ZNF512B: variants seen among roughly 807,000 people sequenced by gnomAD.
The protein encoded by ZNF512B is zinc finger protein 512B.
ZNF512B carries 22 observed loss-of-function variants against 87.8 expected under a neutral mutation model. That is an observed-to-expected ratio of 0.25 (90% confidence interval 0.18 to 0.36). ZNF512B has a LOEUF of 0.36. ZNF512B is among the 10% of genes least tolerant of loss of function. ZNF512B has a pLI of 1.00. For missense variants in ZNF512B, 1,060 were observed against 1,231.6 expected, an observed-to-expected ratio of 0.86 and a Z score of 2.09; for synonymous variants, 524 against 490.9, an observed-to-expected ratio of 1.07 and a Z score of -0.89.
Position 63,969,713 on chromosome 20 carries a change from G to C in ZNF512B, c.-3+101C>G, listed in dbSNP as rs2058961979. Reference sequence around the variant, plus strand: ...GCGGCGGGGGGCGGGGGGGCTCCGGGCCCGGCCCCCTCCTTGGCCTGCGCG... The same window carrying C: ...GCGGCGGGGGGCGGGGGGGCTCCGGCCCCGGCCCCCTCCTTGGCCTGCGCG... On this transcript the variant is annotated intron_variant, in intron 1 of 16. Transcript: ENST00000369888. The C allele has an allele frequency of 3.5e-5, 5 of 144,504 alleles. No individual in the cohort carries two copies. The South Asian group carries it at 9.2e-4, about 27-fold the overall frequency. The allele number at this position is 144,504 out of a possible 1,614,324, so 9.0% of individuals were successfully genotyped here.
Position 63,956,998 on chromosome 20 carries a change from C to A in ZNF512B, c.*2890G>T, listed in dbSNP as rs1222295664. 1 of 152,574 alleles carries A rather than the reference C, an allele frequency of 6.6e-6. No homozygotes were observed. Among genetic ancestry groups the A allele is most frequent in the Non-Finnish European group, 1.5e-5 (1 of 68,038 alleles). The allele number at this position is 152,574 out of a possible 1,614,324, so 9.5% of individuals were successfully genotyped here. A position where few individuals can be genotyped will look rare whatever the true frequency, so the allele number is the denominator to read the frequency against. ...AACCCAAACCAAGAAACCCAAAGCA[C>A]GGGACGCCCGGCCGCGAGGCAGGGG... On this transcript the variant is annotated 3_prime_UTR_variant, in exon 17 of 17. Transcript: ENST00000369888.
chr20:63,969,790 T>C (rs1370995217), intron 1 of ZNF512B, 24 bp downstream of exon 1: 1 of 118,128 alleles, frequency 8.5e-6, no homozygotes, highest in East Asian at 3.0e-4. Context: ...CCAGAATGGG[T>C]CCGGGGCGCG....
intron 14 of ZNF512B, 48 bp from the exon 15 acceptor site, chr20:63,962,052 A>G (rs1197492739): frequency 6.5e-7 from 1 of 1,533,118 alleles, no homozygotes; most frequent in African/African-American, 1.4e-5. Flanking sequence ...GGCACCCCAC[A>G]CCAAGATATA....
rs1255380625 is a variant in ZNF512B at position 63,967,487 on chromosome 20, C to A, written c.158G>T (p.Gly53Val). ...PVVRGGQTVP[G>V]QAPLCFDPGS... ...CGGGTCAAAGCAGAGAGGGGCCTGG[C>A]CGGGCACTGTCTGTCCACCACGGAC... Residue 53 changes from glycine (G) to valine (V), a missense_variant, in exon 3 of 17, where the codon GGC becomes GTC. Gly to Val is a moderately radical substitution (Grantham distance 109). This residue lies in a region of ZNF512B where 134 missense variants were observed against 153.6 expected (regional missense o/e 0.87). Transcript: ENST00000369888. 8 of 1,611,452 alleles carry A rather than the reference C, an allele frequency of 5.0e-6. No homozygotes were observed. Among genetic ancestry groups the A allele is most frequent in the Non-Finnish European group, 6.8e-6 (8 of 1,178,898 alleles).
chr20:63,964,460 C>A (rs768158630), intron 6 of ZNF512B, 30 bp downstream of exon 6: 1 of 1,613,304 alleles, frequency 6.2e-7, no homozygotes, highest in Non-Finnish European at 8.5e-7. Context: ...GAGCCTGCCC[C>A]GGCCGCCACC....
Position 63,964,541 on chromosome 20 carries a change from C to G in ZNF512B, c.1210G>C (p.Ala404Pro), listed in dbSNP as rs765554442. ...TCAGGCGGGGACGCAGGGCCTGCAGCCTTCAGTGCCTCCATGCCCCCTGAC... is the reference window on the plus strand; with the variant it reads ...TCAGGCGGGGACGCAGGGCCTGCAGGCTTCAGTGCCTCCATGCCCCCTGAC... ...RPSGGMEALK[A>P]AGPASPPEED... Residue 404 changes from alanine to proline, a missense_variant, in exon 6 of 17, where the codon GCT becomes CCT. This residue lies in a region of ZNF512B where 212 missense variants were observed against 207.6 expected (regional missense o/e 1.02). Coordinates refer to ENST00000369888, the MANE Select transcript of ZNF512B (RefSeq NM_020713.3). 3.7e-6 allele frequency: 6 copies of G among 1,612,888 alleles called. No individual in the cohort carries two copies. Among genetic ancestry groups the G allele is most frequent in the Middle Eastern group, 1.7e-4 (1 of 6,054 alleles).
At chr20:63,969,531 C>T in intron 1 of ZNF512B, among the ~76,000 whole-genome samples, 1 of 150,232 alleles carries the variant, frequency 6.7e-6, no homozygotes, top group African/African-American at 2.4e-5. Flanking sequence ...TCACCTGGGG[C>T]CGGGAGCGGG....
rs1360084708 is a variant in ZNF512B at position 63,957,654 on chromosome 20, C to T, written c.*2234G>A. 5 of 152,770 alleles carry T rather than the reference C, an allele frequency of 3.3e-5. No individual in the cohort carries two copies. The highest frequency in any genetic ancestry group is 3.3e-4 in the Admixed American group (5 of 15,284). The allele number at this position is 152,770 out of a possible 1,614,324, so 9.5% of individuals were successfully genotyped here. A position where few individuals can be genotyped will look rare whatever the true frequency, so the allele number is the denominator to read the frequency against. The stretch of plus-strand genomic sequence containing the variant: ...GATTATCTGTGGGCTTTGGGAGTGT[C>T]CCGGAAACTCACCCCCAGCAAAAAC... On this transcript the variant is annotated 3_prime_UTR_variant, in exon 17 of 17. Coordinates refer to ENST00000369888, the MANE Select transcript of ZNF512B (RefSeq NM_020713.3).
At chr20:63,965,947 C>T (rs1469935830) in intron 5 of ZNF512B, among the ~76,000 whole-genome samples, 194 bp downstream of exon 5, 1 of 51,362 alleles carries the variant, frequency 1.9e-5, no homozygotes, top group African/African-American at 1.1e-4. Flanking sequence ...TGACCTGGGA[C>T]GAGCCCCCAT....
At chr20:63,967,079 G>GC (rs1181046301) in intron 3 of ZNF512B, 75 bp from the exon 4 acceptor site, 52 of 1,592,120 alleles carry the variant, frequency 3.3e-5, no homozygotes, top group South Asian at 4.5e-5. Context: ...CAGACTCAGA[G>GC]CCCCCCCGGG....
At position 63,959,764 on chromosome 20, in the gene ZNF512B, C is replaced by T. The variant is rs2058828795; in HGVS notation, c.*124G>A. On this transcript the variant is annotated 3_prime_UTR_variant, in exon 17 of 17. Transcript: ENST00000369888. ...GAAGGGAGAGTGGCTGGCTGCCCCA[C>T]TGGACGGATGAAGAGGCGGGGGTGG... 1 of 1,392,186 alleles carries T rather than the reference C, an allele frequency of 7.2e-7. No homozygotes were observed. Among genetic ancestry groups the T allele is most frequent in the Non-Finnish European group, 9.5e-7 (1 of 1,056,512 alleles). The allele number at this position is 1,392,186 out of a possible 1,614,324, so 86.2% of individuals were successfully genotyped here.
intron 13 of ZNF512B, 92 bp from the exon 14 acceptor site, chr20:63,962,466 C>T (rs547103323): frequency 3.9e-5 from 60 of 1,553,762 alleles, no homozygotes; most frequent in Admixed American, 3.0e-4. Flanking sequence ...CGACACTCGC[C>T]GCAGATGGCG....
rs1344207732 is a variant in ZNF512B, at chr20:63,969,880, C to T, written c.-69G>A. ...GGGGCGGGGGGCGCGGGGCGCGGGG[C>T]GCTGGGTCCGGGCGGCGCAGGCTGC... On this transcript the variant is annotated 5_prime_UTR_variant, in exon 1 of 17. Coordinates refer to ENST00000369888, the MANE Select transcript of ZNF512B (RefSeq NM_020713.3). 6.9e-6 allele frequency: 1 copy of T among 145,438 alleles called. No individual in the cohort carries two copies. Among genetic ancestry groups the T allele is most frequent in the Non-Finnish European group, 1.5e-5 (1 of 65,436 alleles). The allele number at this position is 145,438 out of a possible 1,614,324, so 9.0% of individuals were successfully genotyped here.
rs2058925902 is a variant in ZNF512B at position 63,966,327 on chromosome 20, G to C, written c.848C>G (p.Thr283Arg). 1 of 1,595,220 alleles carries C rather than the reference G, an allele frequency of 6.3e-7. No individual in the cohort carries two copies. Among genetic ancestry groups the C allele is most frequent in the Non-Finnish European group, 8.6e-7 (1 of 1,166,732 alleles). The change falls in exon 5 of 17, where the codon ACA becomes AGA. Residue 283 changes from threonine to arginine, a missense_variant. Thr to Arg is a moderately conservative substitution (Grantham distance 71). Transcript: ENST00000369888. ...GGTGACCGGCACGGGTTTCGTAACT[G>C]TCACAAGCTTTGTTACCGTAATGGG... is the stretch of plus-strand genomic sequence containing the variant. ...TKPITVTKLV[T>R]VTKPVPVTKP... is the part of the protein sequence containing the mutation.
intron 16 of ZNF512B, 62 bp from the exon 17 acceptor site, chr20:63,960,201 T>G: frequency 6.3e-7 from 1 of 1,596,702 alleles, no homozygotes; most frequent in Non-Finnish European, 8.5e-7. Flanking sequence ...GAGCCAGGCA[T>G]AGCCTGAGAG....
rs754372137 is a variant in ZNF512B at position 63,962,569 on chromosome 20, C to T, written c.2163+18G>A. 1.9e-6 allele frequency: 3 copies of T among 1,599,060 alleles called. No homozygotes were observed. Among genetic ancestry groups the T allele is most frequent in the Admixed American group, 1.7e-5 (1 of 59,010 alleles). ...AGAGGCCACGGCGCTGTCCACAGCC[C>T]TGGGGGGGGCAGCTCACCCGTGCGG... On this transcript the variant is annotated intron_variant, in intron 13 of 16. Coordinates refer to ENST00000369888, the MANE Select transcript of ZNF512B (RefSeq NM_020713.3).
Position 63,962,797 on chromosome 20 carries a change from G to A in ZNF512B, c.1969-16C>T. ...CCTCAGGGGGCTGGAGGGCAGGAAG[G>A]CATGGAGGCTAGAGTGAGCCGCGGG... On this transcript the variant is annotated splice_polypyrimidine_tract_variant and intron_variant, in intron 12 of 16. Coordinates refer to ENST00000369888, the MANE Select transcript of ZNF512B (RefSeq NM_020713.3). 1 of 1,585,338 alleles carries A rather than the reference G, an allele frequency of 6.3e-7. No homozygotes were observed. Among genetic ancestry groups the A allele is most frequent in the South Asian group, 1.1e-5 (1 of 88,568 alleles).
chr20:63,964,111 G>A lies in ZNF512B; in HGVS notation c.1440C>T (p.Val480=), dbSNP rs767276357. 6.2e-7 allele frequency: 1 copy of A among 1,610,038 alleles called. No individual in the cohort carries two copies. The highest frequency in any genetic ancestry group is 8.5e-7 in the Non-Finnish European group (1 of 1,179,074). Residue 480 remains valine, a synonymous_variant, in exon 8 of 17, where the codon GTC becomes GTT. Coordinates refer to ENST00000369888, the MANE Select transcript of ZNF512B (RefSeq NM_020713.3). The part of the protein sequence containing the change: ...RKKVPAAPIT[V]SKEAPAPVAH... Reference sequence around the variant, plus strand: ...CCACAGGGGCCGGTGCCTCCTTGCTGACAGTGATGGGGGCAGCTGGCACCT... The same window carrying A: ...CCACAGGGGCCGGTGCCTCCTTGCTAACAGTGATGGGGGCAGCTGGCACCT...
rs1305137509 is a variant in ZNF512B, at chr20:63,959,446, C to T, written c.*442G>A. 37 of 179,610 alleles carry T rather than the reference C, an allele frequency of 2.1e-4. No individual in the cohort carries two copies. In the Admixed American group the frequency reaches 2.2e-3, roughly 11 times the overall value. 11.1% of individuals were successfully genotyped at this position (179,610 alleles called of 1,614,324 possible). On this transcript the variant is annotated 3_prime_UTR_variant, in exon 17 of 17. Coordinates refer to ENST00000369888, the MANE Select transcript of ZNF512B (RefSeq NM_020713.3). The stretch of plus-strand genomic sequence containing the variant: ...AGGTGAGGCCAGGATGGTGGCTGCC[C>T]GTGCCAGGTTGCTCAGGTGCCCTCA...
Sources: allele counts gnomAD v4.1 joint callset (sites outside exome capture counted in the v4.1 genomes callset), GRCh38; gene constraint gnomAD v4.1.1; regional missense constraint gnomAD v4.1.1; transcripts MANE v1.5; gene names NCBI Gene and HGNC (gene_info 2026-07-23, HGNC 2026-07-21).